Variants in PSD3 observed in about 807,000 individuals in gnomAD.
The protein encoded by PSD3 is PH and SEC7 domain-containing protein 3.
PSD3 carries 49 observed loss-of-function variants against 105.5 expected under a neutral mutation model. The ratio of observed to expected loss-of-function variants is 0.46; its 90% CI spans 0.37 to 0.59. PSD3 has a LOEUF of 0.59. PSD3 is among the 20% of genes least tolerant of loss of function. The probability of loss-of-function intolerance (pLI) is 0.00; values close to 1 mark genes in which losing one functional copy is unlikely to be tolerated. For missense variants in PSD3, 1,561 were observed against 1,263.8 expected (o/e 1.24, Z -3.57); for synonymous variants, 557 against 457.8 (o/e 1.22, Z -2.77).
chr8:18,559,911 C>G (rs1057122647), intron 14 of PSD3, among the ~76,000 whole-genome samples: 1 of 152,094 alleles, frequency 6.6e-6, no homozygotes, highest in Non-Finnish European at 1.5e-5. Context: ...GCATAAAGGG[C>G]TAGTCATTTA....
chr8:19,082,961 TAAAAAG>T (rs1829690274), intron 1 of PSD3, among the ~76,000 whole-genome samples: 1 of 152,106 alleles, frequency 6.6e-6, no homozygotes, highest in Non-Finnish European at 1.5e-5. Context: ...AGGCCCTTGT[TAAAAAG>T]AGAAAAGGGA....
chr8:19,010,555 T>A (rs1321059619), intron 1 of PSD3, among the ~76,000 whole-genome samples: 1 of 152,216 alleles, frequency 6.6e-6, no homozygotes, highest in Non-Finnish European at 1.5e-5. Flanking sequence ...TTCTCCATTG[T>A]AAATTGCAAC....
intron 1 of PSD3, among the ~76,000 whole-genome samples, chr8:18,995,859 C>T (rs1173556161): frequency 6.6e-6 from 1 of 151,968 alleles, no homozygotes; most frequent in Non-Finnish European, 1.5e-5. Context: ...TTACCTCCCA[C>T]CAGGTCCCTC....
chr8:18,679,661 G>C (rs545030582), intron 9 of PSD3, among the ~76,000 whole-genome samples: 29 of 152,300 alleles, frequency 1.9e-4, no homozygotes, highest in African/African-American at 6.5e-4. Flanking sequence ...TTGGGGAGGT[G>C]AAGTAACTTG....
intron 1 of PSD3, among the ~76,000 whole-genome samples, chr8:19,077,569 A>G (rs1011381048): frequency 6.6e-6 from 1 of 152,184 alleles, no homozygotes; most frequent in Non-Finnish European, 1.5e-5. Context: ...TCGTTTGCCT[A>G]GAAACACTTG....
At chr8:18,828,067 A>ATATATATATATATATATT (rs371473289) in intron 4 of PSD3, among the ~76,000 whole-genome samples, 2 of 118,882 alleles carry the variant, frequency 1.7e-5, no homozygotes, top group African/African-American at 7.0e-5. Flanking sequence ...ATATATATAT[A>ATATATATATATATATATT]TTTTTTTTTT....
At chr8:18,852,990 T>G (rs1439372219) in intron 4 of PSD3, among the ~76,000 whole-genome samples, 1 of 152,140 alleles carries the variant, frequency 6.6e-6, no homozygotes, top group African/African-American at 2.4e-5. Context: ...TCAGAAGTGG[T>G]TAAGTAACTT....
intron 1 of PSD3, among the ~76,000 whole-genome samples, chr8:18,970,981 G>A (rs13267787): frequency 0.47 from 64,726 of 136,976 alleles, 14,546 homozygotes; most frequent in Middle Eastern, 0.69. Context: ...TCTGTCTCAA[G>A]AAAAAAAAAA....
chr8:18,547,786 G>A (rs916790632), intron 15 of PSD3, among the ~76,000 whole-genome samples: 2 of 152,122 alleles, frequency 1.3e-5, no homozygotes, highest in African/African-American at 4.8e-5. Flanking sequence ...TCTTTGGGTG[G>A]AACCTGATTG....
chr8:19,026,880 C>G (rs1232073274), intron 1 of PSD3, among the ~76,000 whole-genome samples: 1 of 151,390 alleles, frequency 6.6e-6, no homozygotes. Flanking sequence ...CCCCCCCACC[C>G]AAAAATATAT....
At chr8:18,686,328 T>C (rs183565846) in intron 9 of PSD3, among the ~76,000 whole-genome samples, 5 of 152,330 alleles carry the variant, frequency 3.3e-5, no homozygotes, top group African/African-American at 9.6e-5. Context: ...GAGGACGCTA[T>C]CACAGAGCCA....
At chr8:19,007,525 C>G (rs1454262611) in intron 1 of PSD3, among the ~76,000 whole-genome samples, 3 of 152,154 alleles carry the variant, frequency 2.0e-5, no homozygotes, top group South Asian at 2.1e-4. Context: ...CTCTATTGAA[C>G]AATGCTGATT....
At chr8:18,762,359 C>T (rs139476599) in intron 9 of PSD3, among the ~76,000 whole-genome samples, 5 of 152,284 alleles carry the variant, frequency 3.3e-5, no homozygotes, top group Middle Eastern at 3.4e-3. Flanking sequence ...CCCTAGAAGC[C>T]AAGCAGATGC....
rs1252160573 is a variant in PSD3 at position 18,963,627 on chromosome 8, GA to G, written c.22-27486del. ...AGTTCCTTACATTTGTCTTGCACAA[GA>G]ATTTCTGCTATACAACGCTAGCTGG... On this transcript the variant is annotated intron_variant, in intron 1 of 15. Transcript: ENST00000327040. Among the ~76,000 whole-genome samples the G allele has an allele frequency of 1.8e-3, 278 of 152,230 alleles. 1 individual carries two copies. Among genetic ancestry groups the G allele is most frequent in the African/African-American group, 6.4e-3 (267 of 41,550 alleles).
intron 2 of PSD3, among the ~76,000 whole-genome samples, chr8:18,904,253 C>T (rs1819695283): frequency 1.3e-5 from 2 of 152,284 alleles, no homozygotes; most frequent in South Asian, 4.1e-4. Context: ...GAGAACTACT[C>T]ATTACCTCAG....
At chr8:18,839,007 G>A (rs1814390713) in intron 4 of PSD3, among the ~76,000 whole-genome samples, 5 of 151,566 alleles carry the variant, frequency 3.3e-5, no homozygotes, top group African/African-American at 7.3e-5. Context: ...CATACAAATG[G>A]GATGACAGAC....
intron 9 of PSD3, among the ~76,000 whole-genome samples, chr8:18,735,723 A>G (rs1804100443): frequency 6.6e-6 from 1 of 152,186 alleles, no homozygotes; most frequent in South Asian, 2.1e-4. Flanking sequence ...GAATCAGTAC[A>G]AATTTATGAG....
At chr8:18,664,125 A>G (rs1422517428) in intron 9 of PSD3, among the ~76,000 whole-genome samples, 11 of 152,184 alleles carry the variant, frequency 7.2e-5, no homozygotes, top group Admixed American at 7.2e-4. Context: ...TAATCCTGCA[A>G]TGGTCTCTAA....
At chr8:19,017,466 A>C (rs536652043), upstream of PSD3, among the ~76,000 whole-genome samples, 1 of 152,338 alleles carries the variant, frequency 6.6e-6, no homozygotes, top group South Asian at 2.1e-4. Flanking sequence ...TGTGTTTACT[A>C]TATTCACAGA....
Sources: allele counts gnomAD v4.1 joint callset (sites outside exome capture counted in the v4.1 genomes callset), GRCh38; gene constraint gnomAD v4.1.1; transcripts MANE v1.5; gene names NCBI Gene and HGNC (gene_info 2026-07-23, HGNC 2026-07-21).